Variants in UBE4A observed in about 807,000 individuals in gnomAD.
The protein encoded by UBE4A is ubiquitin conjugation factor E4 A.
UBE4A carries 48 observed loss-of-function variants against 117.9 expected under a neutral mutation model. The ratio of observed to expected loss-of-function variants is 0.41; its 90% confidence interval spans 0.32 to 0.52. The LOEUF is 0.52. Ranked by LOEUF, UBE4A falls within the 20% of genes least tolerant of loss-of-function variation. UBE4A has a pLI of 0.33. For missense variants in UBE4A, 1,067 were observed against 1,296.3 expected, an observed-to-expected ratio of 0.82 and a Z score of 2.72; for synonymous variants, 407 against 450.0, an observed-to-expected ratio of 0.90 and a Z score of 1.21.
At chr11:118,367,869 A>C (rs1948577187) in intron 2 of UBE4A, among the ~76,000 whole-genome samples, 2 of 152,200 alleles carry the variant, frequency 1.3e-5, no homozygotes, top group South Asian at 4.1e-4. Flanking sequence ...TATCCTATAG[A>C]AATACTCATA....
At position 118,375,256 on chromosome 11, in the gene UBE4A, C is replaced by CTGTGTG. The variant is rs61368823; in HGVS notation, c.1450+41_1450+46dup. The CTGTGTG allele has an allele frequency of 1.5e-3, 2,186 of 1,474,844 alleles. 1 individual carries two copies. The highest frequency in any genetic ancestry group is 2.2e-3 in the South Asian group (155 of 72,042). 91.4% of individuals were successfully genotyped at this position (1,474,844 alleles called of 1,614,324 possible). A position where few individuals can be genotyped will look rare whatever the true frequency, so the allele number is the denominator to read the frequency against. ...TAGGAGAGAACCAGGCTTCTCAAAA[C>CTGTGTG]TGTGTGTGTGTGTGTGTGTAACGTG... On this transcript the variant is annotated intron_variant, in intron 9 of 19. Transcript: ENST00000252108.
At chr11:118,365,568 T>C (rs1948556480) in intron 2 of UBE4A, among the ~76,000 whole-genome samples, 1 of 152,170 alleles carries the variant, frequency 6.6e-6, no homozygotes, top group African/African-American at 2.4e-5. Context: ...ACAGAGGTGG[T>C]AAGTGTAGGT....
In UBE4A at chr11:118,361,319, G is replaced by A. The variant is rs565974605; in HGVS notation, c.-42+1645G>A. ...ACAGGCATGACCTACTGCGCCCGGC[G>A]CTGAAAATAGGAGATTATAAATCCC... On this transcript the variant is annotated intron_variant, in intron 1 of 19. Transcript: ENST00000252108. 6.6e-5 allele frequency among the ~76,000 whole-genome samples: 10 copies of A among 152,190 alleles called. No individual in the cohort carries two copies. The South Asian group carries it at 1.9e-3, about 28-fold the overall frequency.
At chr11:118,369,087 T>A (rs563321652) in intron 3 of UBE4A, among the ~76,000 whole-genome samples, 95 of 152,326 alleles carry the variant, frequency 6.2e-4, no homozygotes, top group African/African-American at 2.2e-3. Context: ...CCCATTTTCT[T>A]CTCAGAGGTA....
At position 118,372,824 on chromosome 11, in the gene UBE4A, A is replaced by G. The variant is rs2134092056; in HGVS notation, c.721+158A>G. 2.6e-6 allele frequency: 3 copies of G among 1,140,142 alleles called. No individual in the cohort carries two copies. In the East Asian group the frequency reaches 7.6e-5, roughly 29 times the overall value. The allele number at this position is 1,140,142 out of a possible 1,614,324, so 70.6% of individuals were successfully genotyped here. A position where few individuals can be genotyped will look rare whatever the true frequency, so the allele number is the denominator to read the frequency against. The stretch of plus-strand genomic sequence containing the variant: ...CTTTGAGGTTGAGTACCAATAGAAT[A>G]AAGCTGGGCATGGTAGCACACCCCT... On this transcript the variant is annotated intron_variant, in intron 6 of 19. Transcript: ENST00000252108.
At chr11:118,373,749 T>A (rs1948628510) in intron 8 of UBE4A, 64 bp downstream of exon 8, 1 of 1,536,834 alleles carries the variant, frequency 6.5e-7, no homozygotes, top group Non-Finnish European at 8.7e-7. Context: ...AGAAAGCAGA[T>A]ACAGATAAGG....
intron 19 of UBE4A, among the ~76,000 whole-genome samples, chr11:118,395,295 A>G (rs1484215434): frequency 6.6e-6 from 1 of 151,052 alleles, no homozygotes; most frequent in Non-Finnish European, 1.5e-5. Flanking sequence ...CGCCACTGCA[A>G]CTCCAGCCAG....
intron 13 of UBE4A, among the ~76,000 whole-genome samples, chr11:118,383,292 G>A (rs782693399): frequency 9.2e-5 from 14 of 152,102 alleles, no homozygotes; most frequent in Admixed American, 1.3e-4. Context: ...CTAATGGTTC[G>A]ATTAAAAATA....
intron 10 of UBE4A, 51 bp downstream of exon 10, chr11:118,376,745 T>C: frequency 6.3e-7 from 1 of 1,590,608 alleles, no homozygotes; most frequent in South Asian, 1.1e-5. Context: ...TGTTGATAAC[T>C]AGAAGGTAGA....
At chr11:118,360,157 G>C (rs1214222396) in intron 1 of UBE4A, among the ~76,000 whole-genome samples, 1 of 152,220 alleles carries the variant, frequency 6.6e-6, no homozygotes, top group African/African-American at 2.4e-5. Flanking sequence ...CAGGTGATGA[G>C]TTCACCACAG....
At chr11:118,375,330 A>G in intron 9 of UBE4A, 101 bp downstream of exon 9, 1 of 1,209,330 alleles carries the variant, frequency 8.3e-7, no homozygotes, top group Non-Finnish European at 1.1e-6. Flanking sequence ...TTTCTCAAAA[A>G]AAGATGAGGC....
chr11:118,379,590 G>A lies in UBE4A; in HGVS notation c.1716G>A (p.Lys572=). The A allele has an allele frequency of 6.2e-7, 1 of 1,614,204 alleles. No individual in the cohort carries two copies. Among genetic ancestry groups the A allele is most frequent in the Non-Finnish European group, 8.5e-7 (1 of 1,180,036 alleles). Residue 572 remains lysine, a synonymous_variant, in exon 11 of 20, where the codon AAG becomes AAA. Coordinates refer to ENST00000252108, the MANE Select transcript of UBE4A (RefSeq NM_001204077.2). The stretch of plus-strand genomic sequence containing the variant: ...TGATGACCATCTATCTTTCTACCAA[G>A]ACTGCCATGACAGAGCCACAAATGC... ...ERLMTIYLST[K]TAMTEPQMLQ...
At chr11:118,393,261 C>G (rs1555128929) in intron 19 of UBE4A, among the ~76,000 whole-genome samples, 1 of 151,818 alleles carries the variant, frequency 6.6e-6, no homozygotes, top group African/African-American at 2.4e-5. Context: ...TACTAAAATA[C>G]AAAAAATTAG....
intron 15 of UBE4A, among the ~76,000 whole-genome samples, chr11:118,386,068 T>C (rs1030476646): frequency 2.0e-5 from 3 of 152,220 alleles, no homozygotes; most frequent in Non-Finnish European, 2.9e-5. Flanking sequence ...GGATTTGTTT[T>C]CATCTTTCAG....
In UBE4A at chr11:118,365,059, A is replaced by G. The variant is rs1180449779; in HGVS notation, c.-22A>G. The G allele has an allele frequency of 3.1e-6, 5 of 1,612,498 alleles. No individual in the cohort carries two copies. In the East Asian group the frequency reaches 8.9e-5, roughly 29 times the overall value. On this transcript the variant is annotated 5_prime_UTR_variant, in exon 2 of 20. An upstream start codon of the reference 5' UTR is lost. Coordinates refer to ENST00000252108, the MANE Select transcript of UBE4A (RefSeq NM_001204077.2). Reference sequence around the variant, plus strand: ...GAACAGCCTCTCCCACTAGGTCTGGATGGAGGATACCTTAAAGTGAAATGA... The same window carrying G: ...GAACAGCCTCTCCCACTAGGTCTGGGTGGAGGATACCTTAAAGTGAAATGA...
intron 9 of UBE4A, 138 bp from the exon 10 acceptor site, chr11:118,376,436 A>G (rs1348800219): frequency 2.4e-6 from 3 of 1,251,602 alleles, no homozygotes; most frequent in African/African-American, 3.0e-5. Flanking sequence ...ACCAAAAGAT[A>G]TATTCAGACA....
intron 4 of UBE4A, 105 bp downstream of exon 4, chr11:118,369,640 C>T (rs1422115562): frequency 2.5e-5 from 17 of 690,186 alleles, no homozygotes; most frequent in African/African-American, 3.7e-5. Flanking sequence ...ATGTCCATCC[C>T]TCTCTCTTTT....
chr11:118,385,826 G>A (rs1465418490), intron 15 of UBE4A, among the ~76,000 whole-genome samples: 5 of 152,282 alleles, frequency 3.3e-5, no homozygotes, highest in African/African-American at 1.2e-4. Context: ...TTTAAGATAG[G>A]TTTTCTTCAA....
chr11:118,375,581 G>T (rs948413835), intron 9 of UBE4A, among the ~76,000 whole-genome samples: 1 of 151,326 alleles, frequency 6.6e-6, no homozygotes, highest in East Asian at 2.0e-4. Flanking sequence ...GGATAGTCTC[G>T]ATCTCTTGAC....
Sources: gnomAD v4.1 joint callset for allele counts (sites outside exome capture counted in the v4.1 genomes callset) on GRCh38, gnomAD v4.1.1 for gene constraint, MANE v1.5 for transcripts, NCBI Gene and HGNC (gene_info 2026-07-23, HGNC 2026-07-21) for gene names.